Variants in HSD17B12 observed in about 807,000 individuals in gnomAD.
HSD17B12 encodes hydroxysteroid 17-beta dehydrogenase 12.
HSD17B12 carries 32 observed loss-of-function variants against 39.3 expected under a neutral mutation model. The observed-to-expected ratio is 0.81, with a 90% CI of 0.61 to 1.09. The LOEUF is 1.09. Among genes scored for constraint, HSD17B12 ranks in the 50% least tolerant of loss-of-function variants. HSD17B12 has a pLI of 0.00. For missense variants in HSD17B12, 342 were observed against 382.9 expected (o/e 0.89, Z 0.89); for synonymous variants, 150 against 146.7 (o/e 1.02, Z -0.16).
At chr11:43,699,861 T>C (rs1949946863) in intron 1 of HSD17B12, among the ~76,000 whole-genome samples, 1 of 152,122 alleles carries the variant, frequency 6.6e-6, no homozygotes, top group African/African-American at 2.4e-5. Context: ...AACAGGCATA[T>C]GAAAAAGGTG....
chr11:43,837,064 A>G (rs1165628188), intron 7 of HSD17B12, among the ~76,000 whole-genome samples: 2 of 152,048 alleles, frequency 1.3e-5, no homozygotes, highest in African/African-American at 4.8e-5. Context: ...AACAACAACA[A>G]CTTCTTTCCA....
chr11:43,670,600 T>C, the HSD17B12 span: 1 of 152,172 alleles, frequency 6.6e-6, no homozygotes, highest in African/African-American at 2.4e-5. Context: ...TTTTAAAAGA[T>C]AGCAAGGGAG....
the HSD17B12 span, among the ~76,000 whole-genome samples, chr11:43,586,348 C>A: frequency 3.3e-5 from 5 of 152,186 alleles, no homozygotes; most frequent in Non-Finnish European, 7.3e-5. Flanking sequence ...CCTTGGTCTG[C>A]AGAGGAAGTC....
At chr11:43,691,627 A>G (rs940622292) in intron 1 of HSD17B12, among the ~76,000 whole-genome samples, 2 of 152,176 alleles carry the variant, frequency 1.3e-5, no homozygotes, top group Non-Finnish European at 2.9e-5. Flanking sequence ...TGAAGCCTCC[A>G]ATCAAGTTAC....
At chr11:43,733,258 C>T (rs779178522) in intron 1 of HSD17B12, among the ~76,000 whole-genome samples, 15 of 152,182 alleles carry the variant, frequency 9.9e-5, no homozygotes, top group Middle Eastern at 3.4e-3. Flanking sequence ...TATGTTGTGG[C>T]GATCAGATTA....
Position 43,716,538 on chromosome 11 carries a change from C to A in HSD17B12, c.161-34373C>A, listed in dbSNP as rs143713400. Among the ~76,000 whole-genome samples the A allele has an allele frequency of 6.2e-4, 94 of 152,054 alleles. 1 individual carries two copies. The highest frequency in any genetic ancestry group is 2.2e-3 in the African/African-American group (90 of 41,494). ...AGAGAACCATGATTTAATCAAGGTT[C>A]TCATTCATTTCGCAAACCCTTATTG... On this transcript the variant is annotated intron_variant, in intron 1 of 10. Coordinates refer to ENST00000278353, the MANE Select transcript of HSD17B12 (RefSeq NM_016142.3).
the HSD17B12 span, among the ~76,000 whole-genome samples, chr11:43,598,013 G>A: frequency 6.6e-6 from 1 of 152,128 alleles, no homozygotes; most frequent in Non-Finnish European, 1.5e-5. Flanking sequence ...ATTCAAGTAT[G>A]ATGACACCAT....
chr11:43,680,239 A>G (rs1170735435), upstream of HSD17B12, among the ~76,000 whole-genome samples: 9 of 151,748 alleles, frequency 5.9e-5, no homozygotes, highest in African/African-American at 2.2e-4. Flanking sequence ...ACGCCCGGCT[A>G]ATTTTTGTAT....
At position 43,718,723 on chromosome 11, in the gene HSD17B12, A is replaced by G. The variant is rs61742412; in HGVS notation, c.161-32188A>G. The G allele has an allele frequency of 1.5e-3, 1,877 of 1,236,518 alleles. 19 individuals are homozygous for G. The African/African-American group carries it at 0.026, about 17-fold the overall frequency. The allele number at this position is 1,236,518 out of a possible 1,614,324, so 76.6% of individuals were successfully genotyped here. On this transcript the variant is annotated intron_variant, in intron 1 of 10. Coordinates refer to ENST00000278353, the MANE Select transcript of HSD17B12 (RefSeq NM_016142.3). ...AAGCTCCTGCCCCTCCTAAAGCTGA[A>G]GCCAAAGCAAAGGCTTTAAAGGCCA...
chr11:43,780,888 T>C (rs1238159119), intron 3 of HSD17B12, among the ~76,000 whole-genome samples: 2 of 152,188 alleles, frequency 1.3e-5, no homozygotes, highest in East Asian at 3.8e-4. Context: ...TTTTACATAC[T>C]TTATTTTTTA....
the HSD17B12 span, among the ~76,000 whole-genome samples, chr11:43,558,014 G>A: frequency 7.2e-5 from 11 of 152,172 alleles, no homozygotes; most frequent in Non-Finnish European, 1.5e-4. Context: ...CAGTTTTTCC[G>A]TTGGGTTCTG....
chr11:43,795,872 A>G (rs1166325533), intron 3 of HSD17B12, among the ~76,000 whole-genome samples: 1 of 152,160 alleles, frequency 6.6e-6, no homozygotes, highest in Non-Finnish European at 1.5e-5. Context: ...TGGTAAGTAC[A>G]ATGGGATAAA....
At chr11:43,759,590 T>A (rs964184025) in intron 3 of HSD17B12, among the ~76,000 whole-genome samples, 1 of 152,186 alleles carries the variant, frequency 6.6e-6, no homozygotes, top group Non-Finnish European at 1.5e-5. Flanking sequence ...TGAGCTGAGT[T>A]TTTATTTGCA....
chr11:43,575,763 G>A, the HSD17B12 span, among the ~76,000 whole-genome samples: 1 of 152,260 alleles, frequency 6.6e-6, no homozygotes, highest in South Asian at 2.1e-4. This position sits in a 1 kb window ranked among gnomAD's most constrained non-coding sequence, Gnocchi z 4.1. Flanking sequence ...GCTGGCAAAG[G>A]AGACTCAAGG....
the HSD17B12 span, among the ~76,000 whole-genome samples, chr11:43,623,180 T>G: frequency 6.6e-6 from 1 of 152,102 alleles, no homozygotes; most frequent in Non-Finnish European, 1.5e-5. Context: ...GTTTTCTAGG[T>G]TTTAATCTGG....
chr11:43,822,562 T>C (rs928083201), intron 6 of HSD17B12, among the ~76,000 whole-genome samples: 1 of 152,164 alleles, frequency 6.6e-6, no homozygotes, highest in African/African-American at 2.4e-5. Flanking sequence ...AATTCCCACC[T>C]GTGAGTGAGA....
In HSD17B12 at chr11:43,680,789, C is replaced by G. The variant is rs768090860; in HGVS notation, c.-39C>G. The G allele has an allele frequency of 6.4e-6, 10 of 1,572,514 alleles. No individual in the cohort carries two copies. Among genetic ancestry groups the G allele is most frequent in the Middle Eastern group, 1.7e-4 (1 of 6,020 alleles). ...CTCCTCCTGGATTCATTCACTCGCTCTTTTCATTCACGAAGGTAGTGAGGC... is the reference window on the plus strand; with the variant it reads ...CTCCTCCTGGATTCATTCACTCGCTGTTTTCATTCACGAAGGTAGTGAGGC... On this transcript the variant is annotated 5_prime_UTR_variant, in exon 1 of 11. Transcript: ENST00000278353.
At chr11:43,759,639 C>T (rs1590276019) in intron 3 of HSD17B12, among the ~76,000 whole-genome samples, 2 of 152,220 alleles carry the variant, frequency 1.3e-5, no homozygotes. Context: ...TTCAGAACAA[C>T]CTGTTGGTTC....
At chr11:43,728,102 G>T (rs367546166) in intron 1 of HSD17B12, among the ~76,000 whole-genome samples, 23 of 151,552 alleles carry the variant, frequency 1.5e-4, no homozygotes, top group African/African-American at 4.8e-4. Context: ...ATCTTGCTCT[G>T]TCACTCAGGC....
Sources: gnomAD v4.1 joint callset for allele counts (sites outside exome capture counted in the v4.1 genomes callset) on GRCh38, gnomAD v4.1.1 for gene constraint, Gnocchi (gnomAD v3.1) non-coding constraint, MANE v1.5 for transcripts, NCBI Gene and HGNC (gene_info 2026-07-23, HGNC 2026-07-21) for gene names.